Variants in TRIO observed in about 807,000 individuals in gnomAD.
TRIO encodes trio Rho guanine nucleotide exchange factor.
In TRIO, 58 loss-of-function variants were observed where a neutral mutation model predicts 351.9. The observed-to-expected ratio is 0.16, with a 90% CI of 0.13 to 0.21. TRIO has a LOEUF of 0.21. Ranked by LOEUF, TRIO falls within the 10% of genes least tolerant of loss-of-function variation. The probability of loss-of-function intolerance (pLI) is 1.00; values close to 1 mark genes in which losing one functional copy is unlikely to be tolerated. For missense variants in TRIO, 3,201 were observed against 4,027.8 expected (o/e 0.79, Z 5.56); for synonymous variants, 1,758 against 1,595.7 (o/e 1.10, Z -2.42).
At chr5:14,203,207 A>G (rs1248055263) in intron 1 of TRIO, among the ~76,000 whole-genome samples, 1 of 152,196 alleles carries the variant, frequency 6.6e-6, no homozygotes, top group African/African-American at 2.4e-5. Context: ...TTACTGCATT[A>G]AGGATTTTTC....
At chr5:14,465,361 T>G (rs1391635976) in intron 36 of TRIO, among the ~76,000 whole-genome samples, 184 bp from the exon 37 acceptor site, 1 of 152,222 alleles carries the variant, frequency 6.6e-6, no homozygotes, top group African/African-American at 2.4e-5. Context: ...ATTTAATGTT[T>G]CTTGTCAGAA....
intron 1 of TRIO, among the ~76,000 whole-genome samples, chr5:14,235,662 G>A (rs949976359): frequency 6.6e-5 from 10 of 151,910 alleles, no homozygotes; most frequent in African/African-American, 2.2e-4. Context: ...GACACAGAAT[G>A]GAACTACGCT....
At chr5:14,363,526 T>G (rs1430092571) in intron 13 of TRIO, among the ~76,000 whole-genome samples, 1 of 152,220 alleles carries the variant, frequency 6.6e-6, no homozygotes, top group Admixed American at 6.5e-5. Flanking sequence ...TTCATCTGGC[T>G]TCTGTGTCCA....
At chr5:14,163,181 A>T (rs1002545784) in intron 1 of TRIO, among the ~76,000 whole-genome samples, 10 of 152,048 alleles carry the variant, frequency 6.6e-5, no homozygotes, top group African/African-American at 2.4e-4. Context: ...CCATCCCTGG[A>T]CAGGCCCTGG....
intron 9 of TRIO, among the ~76,000 whole-genome samples, chr5:14,318,710 G>A (rs1739601650): frequency 6.6e-6 from 1 of 152,192 alleles, no homozygotes; most frequent in East Asian, 1.9e-4. Flanking sequence ...CAGACATTGT[G>A]GGAATGAAAT....
intron 1 of TRIO, among the ~76,000 whole-genome samples, chr5:14,172,919 G>GA (rs1789184603): frequency 6.6e-6 from 1 of 152,232 alleles, no homozygotes; most frequent in Admixed American, 6.5e-5. Context: ...GTGGGGCTGT[G>GA]AAAGATCAGC....
chr5:14,183,549 C>G (rs1283953102), intron 1 of TRIO, among the ~76,000 whole-genome samples: 1 of 151,258 alleles, frequency 6.6e-6, no homozygotes, highest in Non-Finnish European at 1.5e-5. Context: ...CAATAAACTC[C>G]TCCCTTCCCC....
At chr5:14,407,599 G>A (rs1037041977) in intron 33 of TRIO, among the ~76,000 whole-genome samples, 1 of 152,236 alleles carries the variant, frequency 6.6e-6, no homozygotes, top group Non-Finnish European at 1.5e-5. Flanking sequence ...TAACCATAGT[G>A]TGCAGCAGAA....
chr5:14,313,668 CTT>C (rs1183805788), intron 8 of TRIO, among the ~76,000 whole-genome samples: 1 of 152,194 alleles, frequency 6.6e-6, no homozygotes, highest in Non-Finnish European at 1.5e-5. Context: ...ATCCTTCTGT[CTT>C]TCTGTGTTGC....
intron 1 of TRIO, among the ~76,000 whole-genome samples, chr5:14,196,670 A>T (rs997188575): frequency 1.3e-5 from 2 of 152,188 alleles, no homozygotes; most frequent in African/African-American, 4.8e-5. Context: ...AAGACAGATG[A>T]GGCACCTGGT....
In TRIO at chr5:14,369,502, G is replaced by A; in HGVS notation, c.3195G>A (p.Glu1065=). The A allele has an allele frequency of 1.2e-6, 2 of 1,613,992 alleles. No homozygotes were observed. The highest frequency in any genetic ancestry group is 1.7e-5 in the Admixed American group (1 of 60,016). Residue 1065 remains glutamate, a synonymous_variant, in exon 18 of 57, where the codon GAG becomes GAA. Transcript: ENST00000344204. ...CGCCCATGATCAGCAAGCACCTGGA[G>A]CAGAAGGAGGCATTCCTGAAGGTAG... ...HVTPMISKHL[E]QKEAFLKACT... is the part of the protein sequence containing the mutation.
At chr5:14,230,757 T>TGAGAACA (rs1793366549) in intron 1 of TRIO, among the ~76,000 whole-genome samples, 1 of 152,268 alleles carries the variant, frequency 6.6e-6, no homozygotes, top group South Asian at 2.1e-4. Context: ...TGTTTCAAGA[T>TGAGAACA]ATTGGTGAGT....
intron 1 of TRIO, among the ~76,000 whole-genome samples, chr5:14,173,979 C>T (rs1028971465): frequency 6.6e-5 from 10 of 152,208 alleles, no homozygotes; most frequent in African/African-American, 1.7e-4. Context: ...TGAGCACCAG[C>T]GGCTGCAAGT....
chr5:14,274,530 T>C (rs1451465560), intron 2 of TRIO, among the ~76,000 whole-genome samples: 1 of 152,178 alleles, frequency 6.6e-6, no homozygotes, highest in Non-Finnish European at 1.5e-5. Flanking sequence ...AGTTGCAAGA[T>C]GGTGATATTC....
chr5:14,303,812 ATGCCCC>A (rs1452577131), intron 7 of TRIO, among the ~76,000 whole-genome samples: 1 of 152,216 alleles, frequency 6.6e-6, no homozygotes, highest in Non-Finnish European at 1.5e-5. Context: ...GATGGGAATG[ATGCCCC>A]TGCCTCCTTA....
chr5:14,329,107 G>A (rs1740672328), intron 9 of TRIO, among the ~76,000 whole-genome samples: 1 of 152,098 alleles, frequency 6.6e-6, no homozygotes, highest in Admixed American at 6.6e-5. Context: ...CTATATCTAT[G>A]AACATGGCTG....
At chr5:14,154,665 T>A (rs1396806506) in intron 1 of TRIO, among the ~76,000 whole-genome samples, 1 of 152,194 alleles carries the variant, frequency 6.6e-6, no homozygotes, top group Non-Finnish European at 1.5e-5. Context: ...ATAAAACTTC[T>A]GAGCTGTTGT....
chr5:14,278,713 C>T (rs2152275361), intron 2 of TRIO, among the ~76,000 whole-genome samples: 1 of 152,046 alleles, frequency 6.6e-6, no homozygotes, highest in Non-Finnish European at 1.5e-5. Flanking sequence ...AAATTAGAGC[C>T]ATTGATGTTA....
intron 34 of TRIO, among the ~76,000 whole-genome samples, chr5:14,427,761 G>C (rs1750770812): frequency 6.6e-6 from 1 of 152,196 alleles, no homozygotes; most frequent in Admixed American, 6.5e-5. Flanking sequence ...CGATGGTCCA[G>C]GCTGAGCCAG....
Sources: allele counts gnomAD v4.1 joint callset (sites outside exome capture counted in the v4.1 genomes callset), GRCh38; gene constraint gnomAD v4.1.1; transcripts MANE v1.5; gene names NCBI Gene and HGNC (gene_info 2026-07-23, HGNC 2026-07-21).